Variants in TCTN2 observed in about 807,000 individuals in gnomAD.
TCTN2 encodes tectonic family member 2, also known as tectonic-2.
TCTN2 carries 66 observed loss-of-function variants against 83.4 expected under a neutral mutation model. The ratio of observed to expected loss-of-function variants is 0.79; its 90% CI spans 0.65 to 0.97. TCTN2 has a LOEUF of 0.97. Among genes scored for constraint, TCTN2 ranks in the 50% least tolerant of loss-of-function variants. The pLI is 0.00. For missense variants in TCTN2, 794 were observed against 858.1 expected, an observed-to-expected ratio of 0.93 and a Z score of 0.93; for synonymous variants, 301 against 326.7, an observed-to-expected ratio of 0.92 and a Z score of 0.85.
At position 123,707,770 on chromosome 12, in the gene TCTN2, GAA is replaced by G; in HGVS notation, c.*58_*59del. On this transcript the variant is annotated 3_prime_UTR_variant, in exon 18 of 18. Coordinates refer to ENST00000303372, the MANE Select transcript of TCTN2 (RefSeq NM_024809.5). ...GAGTTTTGCTCTTGTTGCCCAGGCTGAAGTGATCTCGGCTCACCACAACCTCC... is the reference window on the plus strand; with the variant it reads ...GAGTTTTGCTCTTGTTGCCCAGGCTGGTGATCTCGGCTCACCACAACCTCC... The G allele has an allele frequency of 7.3e-7, 1 of 1,375,754 alleles. No individual in the cohort carries two copies. The highest frequency in any genetic ancestry group is 1.0e-6 in the Non-Finnish European group (1 of 965,124). The allele number at this position is 1,375,754 out of a possible 1,614,324, so 85.2% of individuals were successfully genotyped here. A position where few individuals can be genotyped will look rare whatever the true frequency, so the allele number is the denominator to read the frequency against.
chr12:123,686,642 G>T (rs1418890977), intron 5 of TCTN2, among the ~76,000 whole-genome samples, 194 bp from the exon 6 acceptor site: 1 of 152,096 alleles, frequency 6.6e-6, no homozygotes, highest in Non-Finnish European at 1.5e-5. Flanking sequence ...GCTTATTTGG[G>T]GAATTGACAA....
At chr12:123,673,396 C>T (rs1422481048) in intron 3 of TCTN2, among the ~76,000 whole-genome samples, 1 of 152,054 alleles carries the variant, frequency 6.6e-6, no homozygotes, top group Non-Finnish European at 1.5e-5. Flanking sequence ...CTAAGTATCC[C>T]GAAGTTGTTT....
At chr12:123,685,315 G>A (rs1430221847) in intron 5 of TCTN2, among the ~76,000 whole-genome samples, 4 of 152,214 alleles carry the variant, frequency 2.6e-5, no homozygotes, top group Non-Finnish European at 5.9e-5. Flanking sequence ...TCAAATGAGA[G>A]ATCACTTCTC....
At chr12:123,671,753 C>A in intron 2 of TCTN2, 139 bp downstream of exon 2, 1 of 732,698 alleles carries the variant, frequency 1.4e-6, no homozygotes, top group South Asian at 1.7e-5. Context: ...GATCGGGCGG[C>A]TGCTGTAGGC....
chr12:123,708,143 A>C lies in TCTN2; in HGVS notation c.*430A>C. Reference sequence around the variant, plus strand: ...CAGCCTCTGGTGTAGCTGGGACCACAGATGCTCCACCATGCCTGGCTGTAT... The same window carrying C: ...CAGCCTCTGGTGTAGCTGGGACCACCGATGCTCCACCATGCCTGGCTGTAT... On this transcript the variant is annotated 3_prime_UTR_variant, in exon 18 of 18. Coordinates refer to ENST00000303372, the MANE Select transcript of TCTN2 (RefSeq NM_024809.5). 4.9e-6 allele frequency: 1 copy of C among 203,480 alleles called. No homozygotes were observed. Among genetic ancestry groups the C allele is most frequent in the South Asian group, 8.1e-5 (1 of 12,394 alleles). 12.6% of individuals were successfully genotyped at this position (203,480 alleles called of 1,614,324 possible).
intron 15 of TCTN2, 118 bp downstream of exon 15, chr12:123,704,806 TA>T: frequency 9.0e-7 from 1 of 1,106,196 alleles, no homozygotes; most frequent in Non-Finnish European, 1.3e-6. Flanking sequence ...TTGCAATTAT[TA>T]GCAAGATGTT....
At chr12:123,673,513 A>C (rs1256605602) in intron 3 of TCTN2, 102 bp from the exon 4 acceptor site, 1 of 1,173,124 alleles carries the variant, frequency 8.5e-7, no homozygotes, top group Non-Finnish European at 1.3e-6. Context: ...CTTTTATAAA[A>C]TGAACGGAGG....
chr12:123,692,701 A>C lies in TCTN2; in HGVS notation c.1077A>C (p.Leu359=). 2 of 1,613,576 alleles carry C rather than the reference A, an allele frequency of 1.2e-6. No homozygotes were observed. Among genetic ancestry groups the C allele is most frequent in the Non-Finnish European group, 1.7e-6 (2 of 1,179,470 alleles). Reference sequence around the variant, plus strand: ...TGATCTATGAGGAAGCAACTGACCTAGACAAATTCATCACCAATACAGGTA... The same window carrying C: ...TGATCTATGAGGAAGCAACTGACCTCGACAAATTCATCACCAATACAGGTA... The part of the protein sequence containing the change: ...PKVIYEEATD[L]DKFITNTETP... The change falls in exon 9 of 18, where the codon CTA becomes CTC. Residue 359 remains leucine, a synonymous_variant. Transcript: ENST00000303372.
chr12:123,677,410 C>G (rs1955836948), intron 4 of TCTN2, among the ~76,000 whole-genome samples: 1 of 152,100 alleles, frequency 6.6e-6, no homozygotes, highest in South Asian at 2.1e-4. Flanking sequence ...GGGGTTTAAA[C>G]AAATAGTTCC....
chr12:123,671,148 C>G lies in TCTN2; in HGVS notation c.-93C>G. On this transcript the variant is annotated 5_prime_UTR_variant, in exon 1 of 18. Transcript: ENST00000303372. The stretch of plus-strand genomic sequence containing the variant: ...GCGTTCGCTTGCAAGATGGCGGCGG[C>G]GGGGCAGTGGCTGCTGCGTTTTCGT... 8.1e-7 allele frequency: 1 copy of G among 1,240,970 alleles called. No individual in the cohort carries two copies. The highest frequency in any genetic ancestry group is 1.1e-6 in the Non-Finnish European group (1 of 873,578). 76.9% of individuals were successfully genotyped at this position (1,240,970 alleles called of 1,614,324 possible).
At position 123,695,135 on chromosome 12, in the gene TCTN2, G is replaced by C. The variant is rs553337286; in HGVS notation, c.1235-85G>C. 13 of 1,392,662 alleles carry C rather than the reference G, an allele frequency of 9.3e-6. 1 individual carries two copies. The highest frequency in any genetic ancestry group is 1.2e-5 in the Non-Finnish European group (12 of 985,132). 86.3% of individuals were successfully genotyped at this position (1,392,662 alleles called of 1,614,324 possible). On this transcript the variant is annotated intron_variant, in intron 10 of 17. Coordinates refer to ENST00000303372, the MANE Select transcript of TCTN2 (RefSeq NM_024809.5). ...GAGAGTACACTTTGTATGACAAAATGCAATTTTAAGGTAAACACTATGGAG... is the reference window on the plus strand; with the variant it reads ...GAGAGTACACTTTGTATGACAAAATCCAATTTTAAGGTAAACACTATGGAG...
At chr12:123,695,084 T>C in intron 10 of TCTN2, 108 bp downstream of exon 10, 1 of 1,476,070 alleles carries the variant, frequency 6.8e-7, no homozygotes, top group Non-Finnish European at 9.4e-7. Flanking sequence ...GACTTGTTTC[T>C]TATGTGCATT....
At chr12:123,678,532 C>T (rs760425550) in intron 4 of TCTN2, among the ~76,000 whole-genome samples, 2 of 152,140 alleles carry the variant, frequency 1.3e-5, no homozygotes, top group African/African-American at 4.8e-5. Context: ...AGGTGATCCA[C>T]CCACCCTGGC....
intron 15 of TCTN2, among the ~76,000 whole-genome samples, chr12:123,706,111 T>C (rs1018257512): frequency 1.3e-5 from 2 of 152,206 alleles, no homozygotes; most frequent in Admixed American, 1.3e-4. Flanking sequence ...GTTTAGGTCA[T>C]GTGCTCCTTT....
intron 8 of TCTN2, among the ~76,000 whole-genome samples, chr12:123,690,970 G>A (rs1443638428): frequency 2.0e-5 from 3 of 152,214 alleles, no homozygotes; most frequent in South Asian, 4.1e-4. Context: ...CTAAGTTCAA[G>A]CGATTCTCCT....
At position 123,708,140 on chromosome 12, in the gene TCTN2, C is replaced by T. The variant is rs959371089; in HGVS notation, c.*427C>T. Reference sequence around the variant, plus strand: ...CCTCAGCCTCTGGTGTAGCTGGGACCACAGATGCTCCACCATGCCTGGCTG... The same window carrying T: ...CCTCAGCCTCTGGTGTAGCTGGGACTACAGATGCTCCACCATGCCTGGCTG... On this transcript the variant is annotated 3_prime_UTR_variant, in exon 18 of 18. Transcript: ENST00000303372. The T allele has an allele frequency of 1.5e-5, 3 of 205,566 alleles. No individual in the cohort carries two copies. Among genetic ancestry groups the T allele is most frequent in the Non-Finnish European group, 2.9e-5 (3 of 101,706 alleles). 12.7% of individuals were successfully genotyped at this position (205,566 alleles called of 1,614,324 possible).
At chr12:123,697,872 T>C (rs1956128881) in intron 13 of TCTN2, among the ~76,000 whole-genome samples, 1 of 151,664 alleles carries the variant, frequency 6.6e-6, no homozygotes, top group Non-Finnish European at 1.5e-5. Flanking sequence ...TTTTTTTTTT[T>C]TTTTTTGAGA....
chr12:123,686,886 C>T lies in TCTN2; in HGVS notation c.615C>T (p.Gly205=), dbSNP rs147485641. The part of the protein sequence containing the change: ...TTLFRRSCFT[G]VFGGDVNPPF... ...TGTTCAGACGGTCCTGCTTCACCGGCGTGTTTGGAGGAGACGTCAATCCTC... is the reference window on the plus strand; with the variant it reads ...TGTTCAGACGGTCCTGCTTCACCGGTGTGTTTGGAGGAGACGTCAATCCTC... Residue 205 remains glycine, a synonymous_variant, in exon 6 of 18, where the codon GGC becomes GGT. Transcript: ENST00000303372. The T allele has an allele frequency of 6.6e-4, 1,058 of 1,614,180 alleles. 1 individual carries two copies. Among genetic ancestry groups the T allele is most frequent in the African/African-American group, 3.9e-3 (296 of 75,040 alleles).
chr12:123,672,065 C>T lies in TCTN2; in HGVS notation c.200C>T (p.Pro67Leu), dbSNP rs772417842. ...AVLQDEAGIL[P>L]IPTCGVLNNE... ...GGTCTTCTTTCTTTAGGAATATTGCCAATTCCGACGTGTGGAGTGCTGAAC... is the reference window on the plus strand; with the variant it reads ...GGTCTTCTTTCTTTAGGAATATTGCTAATTCCGACGTGTGGAGTGCTGAAC... Residue 67 changes from proline (P) to leucine (L), a missense_variant, in exon 3 of 18, where the codon CCA (proline) becomes CTA (leucine). Transcript: ENST00000303372. 3.7e-6 allele frequency: 6 copies of T among 1,614,082 alleles called. No homozygotes were observed. The Admixed American group carries it at 8.3e-5, about 22-fold the overall frequency.
Sources: gnomAD v4.1 joint callset for allele counts (sites outside exome capture counted in the v4.1 genomes callset) on GRCh38, gnomAD v4.1.1 for gene constraint, MANE v1.5 for transcripts, NCBI Gene and HGNC (gene_info 2026-07-23, HGNC 2026-07-21) for gene names.